MACROD2: variants seen among roughly 807,000 people sequenced by gnomAD.
MACROD2 encodes ADP-ribose glycohydrolase MACROD2.
MACROD2 carries 36 observed loss-of-function variants against 70.4 expected under a neutral mutation model. The ratio of observed to expected loss-of-function variants is 0.51; its 90% CI spans 0.39 to 0.68. MACROD2 has a LOEUF of 0.68. Ranked by LOEUF, MACROD2 falls within the 30% of genes least tolerant of loss-of-function variation. The probability of loss-of-function intolerance (pLI) is 0.00; values close to 1 mark genes in which losing one functional copy is unlikely to be tolerated. For synonymous variants in MACROD2, 172 were observed against 178.8 expected (o/e 0.96, Z 0.30); for missense variants, 496 against 538.4 (o/e 0.92, Z 0.78).
chr20:15,588,890 C>A (rs929092381), intron 8 of MACROD2, among the ~76,000 whole-genome samples: 2 of 152,202 alleles, frequency 1.3e-5, no homozygotes, highest in Non-Finnish European at 2.9e-5. Flanking sequence ...TCCAAACTCT[C>A]CCAGCCTCTG....
At chr20:14,375,351 G>A (rs2083361858) in intron 3 of MACROD2, among the ~76,000 whole-genome samples, 3 of 152,144 alleles carry the variant, frequency 2.0e-5, no homozygotes, top group Admixed American at 2.0e-4. Context: ...TTTGCAGCCA[G>A]TAGACAGAAT....
At chr20:15,081,145 C>T (rs1601042289) in intron 5 of MACROD2, among the ~76,000 whole-genome samples, 1 of 152,114 alleles carries the variant, frequency 6.6e-6, no homozygotes, top group East Asian at 1.9e-4. Flanking sequence ...GTTTTTACAT[C>T]TTTACATGGT....
chr20:14,253,321 CTT>C (rs1228555421), intron 3 of MACROD2, among the ~76,000 whole-genome samples: 1 of 151,884 alleles, frequency 6.6e-6, no homozygotes, highest in Non-Finnish European at 1.5e-5. Flanking sequence ...TTTAACATAA[CTT>C]ATTTTTACTT....
chr20:14,996,148 G>T (rs2074947247), intron 5 of MACROD2, among the ~76,000 whole-genome samples: 1 of 152,134 alleles, frequency 6.6e-6, no homozygotes, highest in Non-Finnish European at 1.5e-5. Flanking sequence ...GCTTGAAGTT[G>T]CACACATCTG....
intron 10 of MACROD2, among the ~76,000 whole-genome samples, chr20:15,900,305 T>C (rs1169355762): frequency 1.3e-5 from 2 of 152,228 alleles, no homozygotes; most frequent in Non-Finnish European, 2.9e-5. Flanking sequence ...CTCTAGACTT[T>C]AAAATATCAA....
intron 5 of MACROD2, among the ~76,000 whole-genome samples, chr20:15,183,846 T>C (rs1047910928): frequency 3.3e-5 from 5 of 152,184 alleles, no homozygotes; most frequent in Non-Finnish European, 7.3e-5. Context: ...AGCCACTACC[T>C]GGAACAAGAT....
intron 3 of MACROD2, among the ~76,000 whole-genome samples, chr20:14,161,639 C>T (rs7269399): frequency 0.2 from 28,999 of 148,524 alleles, 3,330 homozygotes; most frequent in African/African-American, 0.33. Context: ...TGCAGTGGCG[C>T]GATCGCAGCT....
intron 5 of MACROD2, among the ~76,000 whole-genome samples, chr20:14,723,601 A>G (rs776368768): frequency 8.0e-5 from 12 of 150,380 alleles, no homozygotes; most frequent in Non-Finnish European, 1.5e-4. Context: ...TATAAAACAT[A>G]TCTAAATAAT....
At chr20:15,327,611 G>A (rs2077945070) in intron 6 of MACROD2, among the ~76,000 whole-genome samples, 2 of 152,002 alleles carry the variant, frequency 1.3e-5, no homozygotes, top group Admixed American at 6.6e-5. Flanking sequence ...CAGCATGGGG[G>A]TAACTGCCCC....
chr20:14,804,311 T>C (rs2122150735), intron 5 of MACROD2, among the ~76,000 whole-genome samples: 1 of 152,214 alleles, frequency 6.6e-6, no homozygotes, highest in South Asian at 2.1e-4. Context: ...AAGCTTCATT[T>C]AGATTCTTTT....
intron 3 of MACROD2, among the ~76,000 whole-genome samples, chr20:14,201,692 T>C (rs2081480996): frequency 1.3e-5 from 2 of 151,584 alleles, no homozygotes; most frequent in Non-Finnish European, 2.9e-5. Context: ...ATACAAAAAT[T>C]AGCCAGGCGT....
chr20:14,277,606 A>G (rs569895123), intron 3 of MACROD2, among the ~76,000 whole-genome samples: 53 of 152,330 alleles, frequency 3.5e-4, no homozygotes, highest in Non-Finnish European at 5.0e-4. Context: ...TCTTATATCA[A>G]AGAAAAGGGT....
intron 8 of MACROD2, among the ~76,000 whole-genome samples, chr20:15,593,281 G>A (rs2048703158): frequency 6.6e-6 from 1 of 152,118 alleles, no homozygotes; most frequent in South Asian, 2.1e-4. Context: ...GATTGATAAG[G>A]AGCCCTGGCT....
At chr20:14,316,095 C>G (rs2082609896) in intron 3 of MACROD2, among the ~76,000 whole-genome samples, 1 of 152,308 alleles carries the variant, frequency 6.6e-6, no homozygotes, top group South Asian at 2.1e-4. Flanking sequence ...AACTTCCATT[C>G]TCTTGTACTA....
chr20:15,057,118 T>G (rs965444189), intron 5 of MACROD2, among the ~76,000 whole-genome samples: 5 of 152,128 alleles, frequency 3.3e-5, no homozygotes, highest in African/African-American at 1.2e-4. Context: ...TTTAAAAAAG[T>G]GTGTGTGATA....
At chr20:14,113,802 A>G (rs1037576801) in intron 3 of MACROD2, among the ~76,000 whole-genome samples, 22 of 152,120 alleles carry the variant, frequency 1.4e-4, no homozygotes, top group Admixed American at 1.4e-3. Flanking sequence ...CATAAGCCAG[A>G]TTTCTCTTAT....
intron 3 of MACROD2, among the ~76,000 whole-genome samples, chr20:14,296,862 A>G (rs2122472058): frequency 6.6e-6 from 1 of 152,018 alleles, no homozygotes; most frequent in Middle Eastern, 3.4e-3. Context: ...ATTATACTTC[A>G]CAGTTACTAT....
chr20:14,511,742 TAAAC>T (rs1390135933), intron 4 of MACROD2, among the ~76,000 whole-genome samples: 2 of 112,094 alleles, frequency 1.8e-5, no homozygotes, highest in African/African-American at 3.3e-5. Context: ...TCATATATAT[TAAAC>T]AAAGTTGCTG....
chr20:14,154,614 A>G (rs1239633853), intron 3 of MACROD2, among the ~76,000 whole-genome samples: 4 of 136,906 alleles, frequency 2.9e-5, no homozygotes, highest in Non-Finnish European at 6.1e-5. Flanking sequence ...GGGTTTCACC[A>G]TGTTAGCCAG....
Sources: allele counts gnomAD v4.1 joint callset (sites outside exome capture counted in the v4.1 genomes callset), GRCh38; gene constraint gnomAD v4.1.1; transcripts MANE v1.5; gene names NCBI Gene and HGNC (gene_info 2026-07-23, HGNC 2026-07-21).